MACROD2: variants seen among roughly 807,000 people sequenced by gnomAD.
The protein encoded by MACROD2 is mono-ADP ribosylhydrolase 2, also known as ADP-ribose glycohydrolase MACROD2.
MACROD2 carries 36 observed loss-of-function variants against 70.4 expected under a neutral mutation model. The ratio of observed to expected loss-of-function variants is 0.51; its 90% CI spans 0.39 to 0.68. The LOEUF is 0.68. Among genes scored for constraint, MACROD2 ranks in the 30% least tolerant of loss-of-function variants. The pLI is 0.00. For missense variants in MACROD2, 496 were observed against 538.4 expected, an observed-to-expected ratio of 0.92 and a Z score of 0.78; for synonymous variants, 172 against 178.8, an observed-to-expected ratio of 0.96 and a Z score of 0.30.
At chr20:15,143,715 A>T (rs1269015067) in intron 5 of MACROD2, among the ~76,000 whole-genome samples, 1 of 151,790 alleles carries the variant, frequency 6.6e-6, no homozygotes, top group African/African-American at 2.4e-5. Flanking sequence ...CTTCCCCCAA[A>T]ATATATGATT....
At chr20:14,562,931 G>A (rs576568912) in intron 4 of MACROD2, among the ~76,000 whole-genome samples, 84 of 151,896 alleles carry the variant, frequency 5.5e-4, no homozygotes, top group South Asian at 1.9e-3. Context: ...TGAACTTATG[G>A]AAATTTGGTC....
intron 3 of MACROD2, among the ~76,000 whole-genome samples, chr20:14,428,359 C>T (rs17812676): frequency 0.16 from 23,563 of 152,000 alleles, 2,605 homozygotes; most frequent in Non-Finnish European, 0.22. Flanking sequence ...CTCTCATAGT[C>T]AGGAAGAATC....
intron 8 of MACROD2, among the ~76,000 whole-genome samples, chr20:15,540,197 G>A (rs976504540): frequency 6.6e-6 from 1 of 152,242 alleles, no homozygotes; most frequent in Admixed American, 6.5e-5. Context: ...TTGCTTGAAT[G>A]TGGGGAAGTA....
intron 3 of MACROD2, among the ~76,000 whole-genome samples, chr20:14,226,170 T>A (rs2081731356): frequency 6.6e-6 from 1 of 152,198 alleles, no homozygotes; most frequent in African/African-American, 2.4e-5. Context: ...GGTCTAGCAA[T>A]AGCAGGAATG....
chr20:15,520,315 T>C (rs567868014), intron 8 of MACROD2, among the ~76,000 whole-genome samples: 120 of 152,280 alleles, frequency 7.9e-4, no homozygotes, highest in Middle Eastern at 3.4e-3. Context: ...AGTGTCTAGA[T>C]TGGGGCAAAT....
intron 7 of MACROD2, among the ~76,000 whole-genome samples, chr20:15,450,990 A>G (rs2046633426): frequency 6.6e-6 from 1 of 152,164 alleles, no homozygotes; most frequent in African/African-American, 2.4e-5. Context: ...AGACAGATAC[A>G]GACATTTTCT....
chr20:15,944,795 A>G (rs973100179), intron 12 of MACROD2, among the ~76,000 whole-genome samples: 3 of 152,212 alleles, frequency 2.0e-5, no homozygotes, highest in African/African-American at 7.2e-5. Context: ...AAAAAATATT[A>G]CATATAATCA....
At chr20:15,587,953 A>G (rs963987718) in intron 8 of MACROD2, among the ~76,000 whole-genome samples, 1 of 152,140 alleles carries the variant, frequency 6.6e-6, no homozygotes, top group Non-Finnish European at 1.5e-5. Flanking sequence ...TCAAAGCCCC[A>G]CTAGGCAATG....
rs1054099570 is a variant in MACROD2 at position 14,657,078 on chromosome 20, G to A, written c.302-27765G>A. Reference sequence around the variant, plus strand: ...AAATACATACCATTCTTGCCATAATGTTATTTCATACATTTGTGCTTTATT... The same window carrying A: ...AAATACATACCATTCTTGCCATAATATTATTTCATACATTTGTGCTTTATT... On this transcript the variant is annotated intron_variant, in intron 4 of 17. Transcript: ENST00000684519. Among the ~76,000 whole-genome samples the A allele has an allele frequency of 3.9e-5, 6 of 152,020 alleles. 1 individual carries two copies. The highest frequency in any genetic ancestry group is 1.2e-4 in the African/African-American group (5 of 41,386).
intron 3 of MACROD2, among the ~76,000 whole-genome samples, chr20:14,358,910 G>C (rs1354156773): frequency 6.6e-6 from 1 of 152,162 alleles, no homozygotes; most frequent in African/African-American, 2.4e-5. Context: ...AGTGAGGCCA[G>C]GCATGGTGGC....
At chr20:15,100,429 G>T (rs866157211) in intron 5 of MACROD2, among the ~76,000 whole-genome samples, 1 of 152,146 alleles carries the variant, frequency 6.6e-6, no homozygotes, top group African/African-American at 2.4e-5. Flanking sequence ...TTTGTAGGGG[G>T]ACCCAAAACT....
At chr20:15,857,268 A>G (rs2064367460) in intron 8 of MACROD2, among the ~76,000 whole-genome samples, 1 of 152,208 alleles carries the variant, frequency 6.6e-6, no homozygotes, top group Non-Finnish European at 1.5e-5. Flanking sequence ...ACAGGGCCAG[A>G]AGTATGTCAG....
At chr20:15,529,451 T>C (rs532791066) in intron 8 of MACROD2, among the ~76,000 whole-genome samples, 7 of 152,288 alleles carry the variant, frequency 4.6e-5, no homozygotes, top group African/African-American at 1.7e-4. Flanking sequence ...AGATATTCTT[T>C]AACTATTTGT....
At chr20:14,613,887 A>T (rs1044036575) in intron 4 of MACROD2, among the ~76,000 whole-genome samples, 2 of 152,072 alleles carry the variant, frequency 1.3e-5, no homozygotes, top group African/African-American at 4.8e-5. Flanking sequence ...TGCCTATGTA[A>T]ACCCATCGTT....
chr20:15,693,045 G>A (rs945094774), intron 8 of MACROD2, among the ~76,000 whole-genome samples: 8 of 151,874 alleles, frequency 5.3e-5, no homozygotes, highest in South Asian at 4.2e-4. Context: ...TTTGCCCTCC[G>A]CCATGATTGT....
intron 5 of MACROD2, among the ~76,000 whole-genome samples, chr20:14,713,884 A>C (rs910287263): frequency 6.6e-6 from 1 of 152,196 alleles, no homozygotes; most frequent in African/African-American, 2.4e-5. Context: ...TGGCCTGATA[A>C]TTCTTAATGG....
chr20:15,877,254 AT>A (rs1205277561), intron 9 of MACROD2, among the ~76,000 whole-genome samples: 1 of 152,098 alleles, frequency 6.6e-6, no homozygotes, highest in Non-Finnish European at 1.5e-5. Flanking sequence ...CCAAAATTAA[AT>A]TCAAAATCTG....
chr20:15,154,708 C>CT (rs2076294727), intron 5 of MACROD2, among the ~76,000 whole-genome samples: 3 of 152,172 alleles, frequency 2.0e-5, no homozygotes, highest in African/African-American at 4.8e-5. Flanking sequence ...GAGCACTAAG[C>CT]CCATTCATAA....
chr20:14,667,275 G>T (rs991831162), intron 4 of MACROD2, among the ~76,000 whole-genome samples: 1 of 152,056 alleles, frequency 6.6e-6, no homozygotes, highest in South Asian at 2.1e-4. Context: ...CAGCACTCCT[G>T]TATAAATCTT....
Sources: gnomAD v4.1 joint callset for allele counts (sites outside exome capture counted in the v4.1 genomes callset) on GRCh38, gnomAD v4.1.1 for gene constraint, MANE v1.5 for transcripts, NCBI Gene and HGNC (gene_info 2026-07-23, HGNC 2026-07-21) for gene names.